Variants in APLN observed in about 807,000 individuals in gnomAD.
The protein encoded by APLN is AGTRL1 ligand.
Under a neutral mutation model 4.3 loss-of-function variants are expected in APLN, and 2 were observed. The observed-to-expected ratio is 0.46, with a 90% confidence interval of 0.19 to 1.45. The LOEUF (loss-of-function observed/expected upper bound fraction) is 1.45, where lower values mean the gene tolerates loss of function less well. Among genes scored for constraint, APLN ranks in the 40% most tolerant of loss-of-function variants. APLN has a pLI of 0.25. For synonymous variants in APLN, 34 were observed against 30.4 expected (o/e 1.12, Z -0.38); for missense variants, 80 against 70.0 (o/e 1.14, Z -0.51).
chrX:129,654,736 C>T lies in APLN; in HGVS notation c.-106G>A. ...GAGCCGCGGCTGGCGCGTGCGGGCG[C>T]AGAGCTCGGGAGGCTCCCCGGCCGC... is the stretch of plus-strand genomic sequence containing the variant. On this transcript the variant is annotated 5_prime_UTR_variant, in exon 1 of 3. Transcript: ENST00000429967. 2 of 579,472 alleles carry T rather than the reference C, an allele frequency of 3.5e-6. No homozygotes were observed. Among genetic ancestry groups the T allele is most frequent in the Non-Finnish European group, 4.7e-6 (2 of 429,988 alleles). The allele number at this position is 579,472 out of a possible 1,213,427, so 47.8% of individuals were successfully genotyped here.
In APLN at chrX:129,646,574, C is replaced by T. The variant is rs1225554430; in HGVS notation, c.*1349G>A. On this transcript the variant is annotated 3_prime_UTR_variant, in exon 3 of 3. Coordinates refer to ENST00000429967, the MANE Select transcript of APLN (RefSeq NM_017413.5). ...CTTCCTTCTTCTCCCCTCTCCGCCT[C>T]CCCCAAAGGAAAAGCCCTGGAAGGA... 1.8e-5 allele frequency: 2 copies of T among 111,877 alleles called. No individual in the cohort carries two copies. The highest frequency in any genetic ancestry group is 3.3e-5 in the African/African-American group (1 of 30,752). 9.2% of individuals were successfully genotyped at this position (111,877 alleles called of 1,213,427 possible).
intron 1 of APLN, among the ~76,000 whole-genome samples, chrX:129,653,089 C>T (rs920824895): frequency 1.8e-5 from 2 of 112,464 alleles, no homozygotes; most frequent in African/African-American, 6.5e-5. Flanking sequence ...CTGTTACCTG[C>T]CTGACAGGAG....
chrX:129,647,486 G>C lies in APLN; in HGVS notation c.*437C>G. ...CATTCTTCCCTGGAGGCCAGGTGAG[G>C]GGTCCAACTGACAGGAAAACAAGGG... On this transcript the variant is annotated 3_prime_UTR_variant, in exon 3 of 3. Transcript: ENST00000429967. The C allele has an allele frequency of 1.9e-6, 1 of 516,127 alleles. No homozygotes were observed. Among genetic ancestry groups the C allele is most frequent in the Non-Finnish European group, 2.7e-6 (1 of 366,933 alleles). The allele number at this position is 516,127 out of a possible 1,213,427, so 42.5% of individuals were successfully genotyped here.
chrX:129,648,841 C>G (rs1247546811), intron 1 of APLN, 49 bp from the exon 2 acceptor site: 6 of 1,085,471 alleles, frequency 5.5e-6, no homozygotes, highest in Middle Eastern at 3.0e-4. Flanking sequence ...TGGAAACGGG[C>G]AGGGGCTGCA....
intron 1 of APLN, among the ~76,000 whole-genome samples, chrX:129,654,312 G>C (rs1247073979): frequency 8.8e-6 from 1 of 113,435 alleles, no homozygotes; most frequent in Admixed American, 9.1e-5. Context: ...TGCGAGCGAC[G>C]GTTAGGAGGG....
At chrX:129,650,170 G>A (rs1936970254) in intron 1 of APLN, among the ~76,000 whole-genome samples, 1 of 110,423 alleles carries the variant, frequency 9.1e-6, no homozygotes, top group Admixed American at 9.7e-5. Context: ...CATCTACCCA[G>A]GAATTCCCAC....
chrX:129,650,505 T>C (rs902724010), intron 1 of APLN, among the ~76,000 whole-genome samples: 10 of 110,541 alleles, frequency 9.0e-5, no homozygotes, highest in Admixed American at 8.6e-4. Flanking sequence ...GCCTGCACCC[T>C]CCTTCCCTCT....
chrX:129,648,688 C>T lies in APLN; in HGVS notation c.172G>A (p.Gly58Ser). 1 of 1,185,994 alleles carries T rather than the reference C, an allele frequency of 8.4e-7. No homozygotes were observed. The highest frequency in any genetic ancestry group is 1.1e-6 in the Non-Finnish European group (1 of 882,055). ...CGCTGGCGGCGGAATTTCCTCCGAC[C>T]TCCCTGCCAGGGCCCTGGCCCATTC... ...SRNGPGPWQG[G>S]RRKFRRQRPR... The change falls in exon 2 of 3, where the codon GGT becomes AGT. Residue 58 changes from glycine to serine, a missense_variant. Coordinates refer to ENST00000429967, the MANE Select transcript of APLN (RefSeq NM_017413.5).
At chrX:129,651,769 T>C (rs1936980122) in intron 1 of APLN, among the ~76,000 whole-genome samples, 1 of 112,130 alleles carries the variant, frequency 8.9e-6, no homozygotes, top group Non-Finnish European at 1.9e-5. Context: ...GACGCACCTG[T>C]TTTTCCTCTC....
At position 129,647,558 on chromosome X, in the gene APLN, G is replaced by T; in HGVS notation, c.*365C>A. 1 of 934,792 alleles carries T rather than the reference G, an allele frequency of 1.1e-6. No homozygotes were observed. Among genetic ancestry groups the T allele is most frequent in the Non-Finnish European group, 1.4e-6 (1 of 723,526 alleles). 77.0% of individuals were successfully genotyped at this position (934,792 alleles called of 1,213,427 possible). A position where few individuals can be genotyped will look rare whatever the true frequency, so the allele number is the denominator to read the frequency against. On this transcript the variant is annotated 3_prime_UTR_variant, in exon 3 of 3. Transcript: ENST00000429967. Reference sequence around the variant, plus strand: ...GGAGCACTTCCACCCCGCGCTCAGGGCAGACATGAGGAAGGAAGGCCCAAA... The same window carrying T: ...GGAGCACTTCCACCCCGCGCTCAGGTCAGACATGAGGAAGGAAGGCCCAAA...
rs911383985 is a variant in APLN at position 129,646,898 on chromosome X, C to G, written c.*1025G>C. The G allele has an allele frequency of 8.9e-6, 1 of 112,604 alleles. No homozygotes were observed. Among genetic ancestry groups the G allele is most frequent in the African/African-American group, 3.2e-5 (1 of 30,786 alleles). 9.3% of individuals were successfully genotyped at this position (112,604 alleles called of 1,213,427 possible). ...CCCTTCCCTTCCCCTCCCAGCCACC[C>G]CCAGCCCCAGCCTCGGGAAAAGGCA... On this transcript the variant is annotated 3_prime_UTR_variant, in exon 3 of 3. Coordinates refer to ENST00000429967, the MANE Select transcript of APLN (RefSeq NM_017413.5).
chrX:129,652,859 G>A (rs1009699079), intron 1 of APLN, among the ~76,000 whole-genome samples: 3 of 111,104 alleles, frequency 2.7e-5, no homozygotes, highest in Non-Finnish European at 5.7e-5. Flanking sequence ...CACAGCCTCT[G>A]GGGGGAGCAC....
intron 1 of APLN, among the ~76,000 whole-genome samples, chrX:129,652,841 G>A (rs1239821667): frequency 2.7e-5 from 3 of 111,147 alleles, no homozygotes; most frequent in Non-Finnish European, 5.7e-5. Context: ...ATTGGCCAGG[G>A]GTCTCCCCAC....
At chrX:129,650,569 T>A (rs1870885645) in intron 1 of APLN, among the ~76,000 whole-genome samples, 1 of 112,222 alleles carries the variant, frequency 8.9e-6, no homozygotes, top group Admixed American at 9.4e-5. Context: ...ACTTGGGTCA[T>A]TTGGTTAACT....
Position 129,654,855 on chromosome X carries a change from C to T in APLN, c.-225G>A. ...CGCGGGGCAGCGCCGCGAAGCTGGCCTCGGCGGCTCCGGGAGCGGCAGCGG... is the reference window on the plus strand; with the variant it reads ...CGCGGGGCAGCGCCGCGAAGCTGGCTTCGGCGGCTCCGGGAGCGGCAGCGG... On this transcript the variant is annotated 5_prime_UTR_variant, in exon 1 of 3. Coordinates refer to ENST00000429967, the MANE Select transcript of APLN (RefSeq NM_017413.5). 1 of 193,275 alleles carries T rather than the reference C, an allele frequency of 5.2e-6. No homozygotes were observed. The highest frequency in any genetic ancestry group is 9.5e-6 in the Non-Finnish European group (1 of 104,807). 15.9% of individuals were successfully genotyped at this position (193,275 alleles called of 1,213,427 possible).
At position 129,654,703 on chromosome X, in the gene APLN, A is replaced by G. The variant is rs1360535038; in HGVS notation, c.-73T>C. The stretch of plus-strand genomic sequence containing the variant: ...AGAGGTCGGGCGCCCGGAGGCCAAG[A>G]AAGGCGCGAGCCGCGGCTGGCGCGT... On this transcript the variant is annotated 5_prime_UTR_variant, in exon 1 of 3. Coordinates refer to ENST00000429967, the MANE Select transcript of APLN (RefSeq NM_017413.5). 8.2e-6 allele frequency: 7 copies of G among 855,115 alleles called. No homozygotes were observed. The African/African-American group carries it at 1.5e-4, about 19-fold the overall frequency. The allele number at this position is 855,115 out of a possible 1,213,427, so 70.5% of individuals were successfully genotyped here. A position where few individuals can be genotyped will look rare whatever the true frequency, so the allele number is the denominator to read the frequency against.
At chrX:129,647,939 G>C (rs991554642) in intron 2 of APLN, 22 bp from the exon 3 acceptor site, 1 of 981,999 alleles carries the variant, frequency 1.0e-6, no homozygotes, top group Admixed American at 3.0e-5. Flanking sequence ...AAAATGACAA[G>C]AGAGAAGTCA....
At chrX:129,651,956 G>C (rs1289687208) in intron 1 of APLN, among the ~76,000 whole-genome samples, 2 of 111,835 alleles carry the variant, frequency 1.8e-5, no homozygotes, top group Non-Finnish European at 3.8e-5. Context: ...CAGCTTTGCT[G>C]CCCTGGGATA....
At chrX:129,649,965 T>C (rs1936968856) in intron 1 of APLN, among the ~76,000 whole-genome samples, 1 of 111,495 alleles carries the variant, frequency 9.0e-6, no homozygotes. Context: ...CAAGCCTGGC[T>C]GGTGGTGGCA....
Sources: gnomAD v4.1 joint callset for allele counts (sites outside exome capture counted in the v4.1 genomes callset) on GRCh38, gnomAD v4.1.1 for gene constraint, MANE v1.5 for transcripts, NCBI Gene and HGNC (gene_info 2026-07-23, HGNC 2026-07-21) for gene names.